Variants in FRMD5 observed in about 807,000 individuals in gnomAD.
The protein encoded by FRMD5 is FERM domain-containing protein 5.
In FRMD5, 20 loss-of-function variants were observed where a neutral mutation model predicts 69.0. The ratio of observed to expected loss-of-function variants is 0.29; its 90% CI spans 0.20 to 0.42. FRMD5 has a LOEUF of 0.42. Among genes scored for constraint, FRMD5 ranks in the 10% least tolerant of loss-of-function variants. FRMD5 has a pLI of 1.00. For missense variants in FRMD5, 595 were observed against 708.6 expected (o/e 0.84, Z 1.82); for synonymous variants, 271 against 260.1 (o/e 1.04, Z -0.40).
Position 44,166,733 on chromosome 15 carries a change from A to C in FRMD5, c.102+28220T>G, listed in dbSNP as rs1216003972. On this transcript the variant is annotated intron_variant, in intron 1 of 13. Coordinates refer to ENST00000417257, the MANE Select transcript of FRMD5 (RefSeq NM_032892.5). ...CGGGAGGTAGAGGTTGCAGTGAGCC[A>C]AGATCACACCACTGCACTCTAGCCT... Among the ~76,000 whole-genome samples the C allele has an allele frequency of 2.7e-5, 4 of 150,528 alleles. No homozygotes were observed. The South Asian group carries it at 8.5e-4, about 32-fold the overall frequency.
At position 43,873,790 on chromosome 15, in the gene FRMD5, A is replaced by G. The variant is rs2088231554; in HGVS notation, c.*95T>C. 6.5e-7 allele frequency: 1 copy of G among 1,545,676 alleles called. No homozygotes were observed. Among genetic ancestry groups the G allele is most frequent in the Non-Finnish European group, 8.7e-7 (1 of 1,147,336 alleles). On this transcript the variant is annotated 3_prime_UTR_variant, in exon 14 of 14. Transcript: ENST00000417257. ...GAGTCATGAGAGGAGGACTTGGTAT[A>G]TGTGCCGATGGTTCCGCGATGGGTC...
In FRMD5 at chr15:44,084,936, G is replaced by T. The variant is rs150562954; in HGVS notation, c.102+110017C>A. Among the ~76,000 whole-genome samples the T allele has an allele frequency of 5.1e-4, 78 of 152,146 alleles. 2 individuals carry two copies. The East Asian group carries it at 0.015, about 29-fold the overall frequency. ...TCGTGACTTTGATATACAATCTGGG[G>T]AAGCAATCTGGGGGTGTGGTATAAA... On this transcript the variant is annotated intron_variant, in intron 1 of 13. Transcript: ENST00000417257.
intron 13 of FRMD5, chr15:43,876,091 T>C (rs1343871717): frequency 1.5e-6 from 2 of 1,344,370 alleles, no homozygotes; most frequent in African/African-American, 1.4e-5. Context: ...ATGGCTTCCA[T>C]GATTTTGCCA....
chr15:44,112,238 G>A (rs2076807562), intron 1 of FRMD5, among the ~76,000 whole-genome samples: 1 of 152,144 alleles, frequency 6.6e-6, no homozygotes, highest in Non-Finnish European at 1.5e-5. Context: ...TATTGCTTAA[G>A]TGCACAGGAA....
In FRMD5 at chr15:44,023,747, A is replaced by G. The variant is rs547545499; in HGVS notation, c.103-99438T>C. ...GTAATATAAAATTTACAGTATTTGA[A>G]TGTCACTTTTTACTATATTAAAATG... On this transcript the variant is annotated intron_variant, in intron 1 of 13. Coordinates refer to ENST00000417257, the MANE Select transcript of FRMD5 (RefSeq NM_032892.5). 5.3e-5 allele frequency among the ~76,000 whole-genome samples: 8 copies of G among 152,322 alleles called. No homozygotes were observed. The East Asian group carries it at 1.5e-3, about 29-fold the overall frequency.
chr15:44,017,482 A>G (rs1891019067), intron 1 of FRMD5, among the ~76,000 whole-genome samples: 1 of 152,164 alleles, frequency 6.6e-6, no homozygotes, highest in African/African-American at 2.4e-5. Flanking sequence ...ATTACATTTA[A>G]CTATTTATTT....
chr15:44,104,400 A>C (rs933473584), intron 1 of FRMD5, among the ~76,000 whole-genome samples: 3 of 152,196 alleles, frequency 2.0e-5, no homozygotes, highest in African/African-American at 7.2e-5. Context: ...TTAAGTGTAC[A>C]GTGTTTATTA....
Position 44,105,937 on chromosome 15 carries a change from G to A in FRMD5, c.102+89016C>T, listed in dbSNP as rs145573180. On this transcript the variant is annotated intron_variant, in intron 1 of 13. Transcript: ENST00000417257. Reference sequence around the variant, plus strand: ...GTTCAAGTCCCTTATATAAAATAGAGTAGTATTTGCATATAAGCTAGCACG... The same window carrying A: ...GTTCAAGTCCCTTATATAAAATAGAATAGTATTTGCATATAAGCTAGCACG... Among the ~76,000 whole-genome samples the A allele has an allele frequency of 3.2e-3, 487 of 152,236 alleles. 3 individuals are homozygous for A. Among genetic ancestry groups the A allele is most frequent in the African/African-American group, 0.011 (455 of 41,552 alleles).
At chr15:44,066,635 G>T (rs1007223444) in intron 1 of FRMD5, among the ~76,000 whole-genome samples, 10 of 152,086 alleles carry the variant, frequency 6.6e-5, no homozygotes, top group Non-Finnish European at 1.2e-4. Context: ...AGGCTGGGAG[G>T]TCCTATAGAT....
At chr15:44,190,068 T>C (rs1323948034) in intron 1 of FRMD5, among the ~76,000 whole-genome samples, 1 of 152,224 alleles carries the variant, frequency 6.6e-6, no homozygotes, top group African/African-American at 2.4e-5. Flanking sequence ...AGCAGCACTG[T>C]CCTTCCTGGG....
chr15:43,973,469 G>T (rs1421930220), intron 1 of FRMD5, among the ~76,000 whole-genome samples: 1 of 151,370 alleles, frequency 6.6e-6, no homozygotes, highest in African/African-American at 2.4e-5. Flanking sequence ...CCAGGTTCAA[G>T]CGATTCTCCT....
At chr15:43,971,949 G>A (rs1309273888) in intron 1 of FRMD5, among the ~76,000 whole-genome samples, 1 of 150,854 alleles carries the variant, frequency 6.6e-6, no homozygotes, top group African/African-American at 2.4e-5. Flanking sequence ...CAGGCATGGT[G>A]GCTCATGCCT....
rs1050912972 is a variant in FRMD5, at chr15:43,888,913, T to C, written c.729-41A>G. The C allele has an allele frequency of 3.2e-6, 5 of 1,560,582 alleles. No individual in the cohort carries two copies. In the Admixed American group the frequency reaches 8.4e-5, roughly 26 times the overall value. ...TAGTGCCTGTCACCTCATTGTGGGCTGCTTGTTCACAGCTAAATCTTGTAG... is the reference window on the plus strand; with the variant it reads ...TAGTGCCTGTCACCTCATTGTGGGCCGCTTGTTCACAGCTAAATCTTGTAG... On this transcript the variant is annotated intron_variant, in intron 8 of 13. Transcript: ENST00000417257.
At chr15:44,118,110 T>C (rs1370986136) in intron 1 of FRMD5, among the ~76,000 whole-genome samples, 3 of 151,688 alleles carry the variant, frequency 2.0e-5, no homozygotes, top group African/African-American at 4.9e-5. Context: ...GTAATTCTCT[T>C]CTAATTTAAA....
chr15:43,965,730 C>T (rs2090284562), intron 1 of FRMD5, among the ~76,000 whole-genome samples: 3 of 151,856 alleles, frequency 2.0e-5, no homozygotes, highest in South Asian at 2.1e-4. Flanking sequence ...TACAGGCATG[C>T]ACCACCACAC....
intron 1 of FRMD5, among the ~76,000 whole-genome samples, chr15:44,172,875 G>C (rs2077828686): frequency 6.6e-6 from 1 of 152,126 alleles, no homozygotes; most frequent in Admixed American, 6.5e-5. Context: ...AACCTTACCA[G>C]CTTCAGCTAT....
At chr15:44,042,384 T>C (rs1016450294) in intron 1 of FRMD5, among the ~76,000 whole-genome samples, 3 of 152,188 alleles carry the variant, frequency 2.0e-5, no homozygotes, top group Non-Finnish European at 4.4e-5. Context: ...TCTGAAATGA[T>C]TCCAAACAAT....
At chr15:44,005,471 C>CAAAAAAAAAAAAAAAAA (rs55839205) in intron 1 of FRMD5, among the ~76,000 whole-genome samples, 1 of 69,456 alleles carries the variant, frequency 1.4e-5, no homozygotes, top group Non-Finnish European at 2.8e-5. Context: ...AACTCCATCT[C>CAAAAAAAAAAAAAAAAA]AAAAAAAAAA....
intron 1 of FRMD5, among the ~76,000 whole-genome samples, chr15:43,982,374 GTAA>G (rs1262193962): frequency 1.7e-4 from 26 of 152,316 alleles, no homozygotes; most frequent in African/African-American, 5.8e-4. Flanking sequence ...AATCAATCCA[GTAA>G]AAGGATTCTT....
Sources: gnomAD v4.1 joint callset for allele counts (sites outside exome capture counted in the v4.1 genomes callset) on GRCh38, gnomAD v4.1.1 for gene constraint, MANE v1.5 for transcripts, NCBI Gene and HGNC (gene_info 2026-07-23, HGNC 2026-07-21) for gene names.